Variants in DIAPH2 observed in about 807,000 individuals in gnomAD.
DIAPH2 encodes protein diaphanous homolog 2.
A neutral mutation model predicts 92.7 loss-of-function variants in DIAPH2; 35 were observed. That is an observed-to-expected ratio of 0.38 (90% CI 0.29 to 0.50). The LOEUF is 0.50. Ranked by LOEUF, DIAPH2 falls within the 20% of genes least tolerant of loss-of-function variation. The pLI is 0.94. For missense variants in DIAPH2, 701 were observed against 819.5 expected, an observed-to-expected ratio of 0.86 and a Z score of 1.77; for synonymous variants, 301 against 280.4, an observed-to-expected ratio of 1.07 and a Z score of -0.73.
In DIAPH2 at chrX:96,957,051, C is replaced by T. The variant is rs563188740; in HGVS notation, c.1615-777C>T. 6.0e-4 allele frequency among the ~76,000 whole-genome samples: 68 copies of T among 112,572 alleles called. No individual in the cohort carries two copies. The South Asian group carries it at 0.012, about 19-fold the overall frequency. ...TTATTATTTCTTTGAGACGGAGTCT[C>T]GCTCTGTCACCAAGGCTGGAGTGCA... On this transcript the variant is annotated intron_variant, in intron 15 of 26. Transcript: ENST00000324765.
chrX:97,131,819 G>T (rs1320067930), intron 21 of DIAPH2, among the ~76,000 whole-genome samples: 1 of 112,227 alleles, frequency 8.9e-6, no homozygotes, highest in East Asian at 2.8e-4. Context: ...GAAAGTACCA[G>T]AACAGCTTTT....
chrX:97,587,995 C>T (rs985946288), intron 26 of DIAPH2, among the ~76,000 whole-genome samples: 2 of 111,794 alleles, frequency 1.8e-5, no homozygotes, highest in East Asian at 2.8e-4. Flanking sequence ...TGACCTGTCA[C>T]GCTAAATTGT....
At chrX:97,148,460 C>A (rs1029196354) in intron 22 of DIAPH2, among the ~76,000 whole-genome samples, 6 of 111,640 alleles carry the variant, frequency 5.4e-5, no homozygotes, top group Non-Finnish European at 7.5e-5. Context: ...TAATAGAGCA[C>A]ATACCACATT....
Position 97,275,400 on chromosome X carries a change from C to T in DIAPH2, c.2844+27561C>T, listed in dbSNP as rs757048076. On this transcript the variant is annotated intron_variant, in intron 23 of 26. Coordinates refer to ENST00000324765, the MANE Select transcript of DIAPH2 (RefSeq NM_006729.5). ...CCCCCCACCTCCCTCCTGGGTGGGG[C>T]GGCTGGCCAGGCGGGGGCTGCCCCC... 6.0e-3 allele frequency among the ~76,000 whole-genome samples: 635 copies of T among 105,059 alleles called. 9 individuals carry two copies. The highest frequency in any genetic ancestry group is 0.021 in the African/African-American group (601 of 28,671). 91.2% of individuals were successfully genotyped at this position (105,059 alleles called of 115,157 possible).
chrX:97,300,942 AAAAAAAAAAAAAAAAAAAAAAAAG>A lies in DIAPH2; in HGVS notation c.2845-47171_2845-47148del, dbSNP rs1359423433. 1.3e-4 allele frequency among the ~76,000 whole-genome samples: 6 copies of A among 47,616 alleles called. 1 individual carries two copies. The East Asian group carries it at 2.0e-3, about 16-fold the overall frequency. The allele number at this position is 47,616 out of a possible 115,157, so 41.3% of individuals were successfully genotyped here. On this transcript the variant is annotated intron_variant, in intron 23 of 26. Transcript: ENST00000324765. ...GCAAGACTCCGTCTTAAAAAAAAAA[AAAAAAAAAAAAAAAAAAAAAAAAG>A]AAGAAGAAGAATGTCTCCATAGTTA... is the stretch of plus-strand genomic sequence containing the variant.
rs1464076390 is a variant in DIAPH2, at chrX:96,899,529, G to A, written c.588-12799G>A. Among the ~76,000 whole-genome samples, 9 of 111,064 alleles carry A rather than the reference G, an allele frequency of 8.1e-5. No individual in the cohort carries two copies. The East Asian group carries it at 8.4e-4, about 10-fold the overall frequency. On this transcript the variant is annotated intron_variant, in intron 5 of 26. Coordinates refer to ENST00000324765, the MANE Select transcript of DIAPH2 (RefSeq NM_006729.5). ...TCACTCATGATTTGGCTCTCTGTTC[G>A]TCTGTTTTTGGTGTATAAGAATGCT... is the stretch of plus-strand genomic sequence containing the variant.
intron 3 of DIAPH2, among the ~76,000 whole-genome samples, chrX:96,750,816 G>A (rs963939103): frequency 1.5e-4 from 17 of 112,339 alleles, no homozygotes; most frequent in Non-Finnish European, 2.1e-4. Flanking sequence ...TGATCTATAC[G>A]TGTCTTCTGA....
intron 16 of DIAPH2, among the ~76,000 whole-genome samples, chrX:96,962,372 TATATATACAC>T (rs1379440910): frequency 1.7e-4 from 12 of 69,345 alleles, no homozygotes; most frequent in African/African-American, 6.9e-4. Flanking sequence ...TATACACATA[TATATATACAC>T]ATATATATAC....
intron 17 of DIAPH2, among the ~76,000 whole-genome samples, chrX:96,989,311 T>C (rs958691931): frequency 1.8e-5 from 2 of 110,552 alleles, no homozygotes; most frequent in Non-Finnish European, 3.8e-5. Context: ...CTCTCACTTA[T>C]TTCTTCGTGC....
In DIAPH2 at chrX:96,957,986, A is replaced by G. The variant is rs368064617; in HGVS notation, c.1773A>G (p.Pro591=). The change falls in exon 16 of 27, where the codon CCA becomes CCG. Residue 591 remains proline, a synonymous_variant. Coordinates refer to ENST00000324765, the MANE Select transcript of DIAPH2 (RefSeq NM_006729.5). ...PPPLPGMMGI[P]PPPPPPLLFG... ...CTTTACCTGGAATGATGGGGATACC[A>G]CCACCACCCCCACCACCACTTTTAT... is the stretch of plus-strand genomic sequence containing the variant. The G allele has an allele frequency of 6.5e-5, 78 of 1,206,212 alleles. No individual in the cohort carries two copies. The highest frequency in any genetic ancestry group is 8.3e-5 in the Non-Finnish European group (74 of 893,372).
At position 97,243,687 on chromosome X, in the gene DIAPH2, C is replaced by T. The variant is rs768290012; in HGVS notation, c.2720-4028C>T. On this transcript the variant is annotated intron_variant, in intron 22 of 26. Coordinates refer to ENST00000324765, the MANE Select transcript of DIAPH2 (RefSeq NM_006729.5). ...GCCCTTTACTTTTTTTTACTTTATC[C>T]GCTTTCCTCACATTCCCATTTGTCT... Among the ~76,000 whole-genome samples, 10 of 111,149 alleles carry T rather than the reference C, an allele frequency of 9.0e-5. No homozygotes were observed. In the East Asian group the frequency reaches 2.8e-3, roughly 31 times the overall value.
intron 17 of DIAPH2, among the ~76,000 whole-genome samples, chrX:97,011,122 G>C (rs1494129): frequency 2.7e-5 from 3 of 111,214 alleles, no homozygotes; most frequent in African/African-American, 9.8e-5. Context: ...ATTTGCCTAC[G>C]TGTATATGTT....
intron 23 of DIAPH2, among the ~76,000 whole-genome samples, chrX:97,287,825 C>T (rs974366635): frequency 9.4e-6 from 1 of 106,322 alleles, no homozygotes; most frequent in Non-Finnish European, 1.9e-5. Context: ...GCCTAGTATG[C>T]ACCTTTAATC....
chrX:97,422,296 TA>T (rs1302474651), intron 25 of DIAPH2, among the ~76,000 whole-genome samples: 2 of 111,460 alleles, frequency 1.8e-5, no homozygotes, highest in African/African-American at 3.3e-5. Flanking sequence ...GTTTTTTTTT[TA>T]AATCTGTTTT....
intron 25 of DIAPH2, among the ~76,000 whole-genome samples, chrX:97,405,096 T>C (rs751848115): frequency 1.8e-5 from 2 of 112,190 alleles, no homozygotes; most frequent in Non-Finnish European, 3.8e-5. Flanking sequence ...ACATGTATTC[T>C]CTATCTCTAA....
chrX:97,588,187 C>G (rs1184269113), intron 26 of DIAPH2, among the ~76,000 whole-genome samples: 1 of 112,300 alleles, frequency 8.9e-6, no homozygotes, highest in East Asian at 2.8e-4. Flanking sequence ...AAGGAAACTG[C>G]TGTTTAGAAA....
intron 4 of DIAPH2, among the ~76,000 whole-genome samples, chrX:96,804,354 C>T (rs922953029): frequency 8.9e-6 from 1 of 111,853 alleles, no homozygotes; most frequent in Non-Finnish European, 1.9e-5. Flanking sequence ...TTCATTTTCT[C>T]TCTCTGCCTC....
At chrX:96,903,686 T>G (rs2065414541) in intron 5 of DIAPH2, among the ~76,000 whole-genome samples, 1 of 111,806 alleles carries the variant, frequency 8.9e-6, no homozygotes, top group Admixed American at 9.5e-5. Context: ...TCATTCAAAT[T>G]TTTTGGTAAT....
In DIAPH2 at chrX:96,949,867, G is replaced by GA. The variant is rs372037656; in HGVS notation, c.1614+843dup. Among the ~76,000 whole-genome samples the GA allele has an allele frequency of 7.8e-3, 554 of 71,372 alleles. 3 individuals carry two copies. Among genetic ancestry groups the GA allele is most frequent in the Middle Eastern group, 0.013 (2 of 150 alleles). The allele number at this position is 71,372 out of a possible 115,157, so 62.0% of individuals were successfully genotyped here. A position where few individuals can be genotyped will look rare whatever the true frequency, so the allele number is the denominator to read the frequency against. ...AGAGCGAGACTCCGTCTGAAAAAAAGAAAAAAAAAAAAAAAGAAGTTGAAG... is the reference window on the plus strand; with the variant it reads ...AGAGCGAGACTCCGTCTGAAAAAAAGAAAAAAAAAAAAAAAAGAAGTTGAAG... On this transcript the variant is annotated intron_variant, in intron 15 of 26. Coordinates refer to ENST00000324765, the MANE Select transcript of DIAPH2 (RefSeq NM_006729.5).
Sources: gnomAD v4.1 joint callset for allele counts (sites outside exome capture counted in the v4.1 genomes callset) on GRCh38, gnomAD v4.1.1 for gene constraint, MANE v1.5 for transcripts, NCBI Gene and HGNC (gene_info 2026-07-23, HGNC 2026-07-21) for gene names.